Variants in DENND1A observed in about 807,000 individuals in gnomAD.
DENND1A encodes DENN domain containing 1A.
DENND1A carries 51 observed loss-of-function variants against 113.7 expected under a neutral mutation model. That is an observed-to-expected ratio of 0.45 (90% CI 0.36 to 0.57). The LOEUF is 0.57. Ranked by LOEUF, DENND1A falls within the 20% of genes least tolerant of loss-of-function variation. The probability of loss-of-function intolerance (pLI) is 0.00; values close to 1 mark genes in which losing one functional copy is unlikely to be tolerated. For missense variants in DENND1A, 1,258 were observed against 1,395.9 expected (o/e 0.90, Z 1.57); for synonymous variants, 565 against 570.8 (o/e 0.99, Z 0.14).
At chr9:123,640,682 A>G (rs1181054545) in intron 9 of DENND1A, among the ~76,000 whole-genome samples, 1 of 152,264 alleles carries the variant, frequency 6.6e-6, no homozygotes, top group Non-Finnish European at 1.5e-5. Flanking sequence ...CAGAGTGAAT[A>G]GTGCGCCCAG....
rs34466730 is a variant in DENND1A at position 123,718,971 on chromosome 9, G to A, written c.302+38732C>T. On this transcript the variant is annotated intron_variant, in intron 5 of 23. Transcript: ENST00000394215. ...GGGCAGTTTCCCCCATACTGTTCTC[G>A]TGGTAGTGAATAAGTCTCACGAGAT... Among the ~76,000 whole-genome samples the A allele has an allele frequency of 6.8e-3, 1,029 of 152,176 alleles. 3 individuals carry two copies. The highest frequency in any genetic ancestry group is 0.011 in the Non-Finnish European group (721 of 67,998).
At chr9:123,724,243 G>A (rs541409352) in intron 5 of DENND1A, among the ~76,000 whole-genome samples, 10 of 152,304 alleles carry the variant, frequency 6.6e-5, no homozygotes, top group South Asian at 2.1e-4. Flanking sequence ...AGCACAACTC[G>A]TTGAGGGAGG....
At position 123,567,199 on chromosome 9, in the gene DENND1A, A is replaced by G. The variant is rs564596834; in HGVS notation, c.868-9504T>C. Among the ~76,000 whole-genome samples, 5 of 152,344 alleles carry G rather than the reference A, an allele frequency of 3.3e-5. No homozygotes were observed. The South Asian group carries it at 1.0e-3, about 32-fold the overall frequency. On this transcript the variant is annotated intron_variant, in intron 12 of 23. Coordinates refer to ENST00000394215, the MANE Select transcript of DENND1A (RefSeq NM_001352964.2). ...TAAAGGTCAGATTTAAACTATCACC[A>G]TGTTTCACAATGCAATCTGTGCAGT...
intron 5 of DENND1A, among the ~76,000 whole-genome samples, chr9:123,724,026 T>C (rs559779245): frequency 2.0e-5 from 3 of 152,358 alleles, no homozygotes; most frequent in Non-Finnish European, 4.4e-5. Flanking sequence ...GTGTGATCTT[T>C]ATTTGCTGCT....
At chr9:123,607,520 C>CACACAG (rs1258725435) in intron 11 of DENND1A, among the ~76,000 whole-genome samples, 5 of 73,880 alleles carry the variant, frequency 6.8e-5, no homozygotes, top group Admixed American at 1.2e-4. Flanking sequence ...CACACACACA[C>CACACAG]AGAGAGAGAG....
intron 13 of DENND1A, among the ~76,000 whole-genome samples, chr9:123,499,222 G>C (rs187919928): frequency 7.3e-5 from 11 of 150,028 alleles, no homozygotes; most frequent in Admixed American, 4.6e-4. Flanking sequence ...TTAGTAGAGA[G>C]GGGGTTTCAC....
At chr9:123,769,603 A>G in intron 3 of DENND1A, 40 bp from the exon 4 acceptor site, 1 of 1,556,582 alleles carries the variant, frequency 6.4e-7, no homozygotes, top group African/African-American at 1.4e-5. Flanking sequence ...ATCTAATGGG[A>G]CCAGTAAATC....
chr9:123,745,357 G>A (rs1051760328), intron 5 of DENND1A, among the ~76,000 whole-genome samples: 1 of 152,122 alleles, frequency 6.6e-6, no homozygotes, highest in African/African-American at 2.4e-5. Flanking sequence ...AGTAAATAAG[G>A]GCAATAATAC....
At chr9:123,672,337 G>GGT (rs772262806) in intron 6 of DENND1A, among the ~76,000 whole-genome samples, 7 of 152,086 alleles carry the variant, frequency 4.6e-5, no homozygotes, top group Non-Finnish European at 8.8e-5. Context: ...TGAACTTGTG[G>GGT]GTGTGTGTGC....
intron 11 of DENND1A, among the ~76,000 whole-genome samples, chr9:123,591,615 T>C (rs944907133): frequency 6.6e-6 from 1 of 152,162 alleles, no homozygotes; most frequent in South Asian, 2.1e-4. Context: ...ACCAGGACCA[T>C]CTCCAGGGCA....
intron 1 of DENND1A, among the ~76,000 whole-genome samples, chr9:123,926,884 C>T (rs1022019731): frequency 2.0e-5 from 3 of 149,536 alleles, no homozygotes; most frequent in Admixed American, 6.7e-5. Flanking sequence ...AGACAAGAAA[C>T]GAGATTCAGT....
At chr9:123,452,743 G>A (rs916738695) in intron 16 of DENND1A, among the ~76,000 whole-genome samples, 6 of 152,126 alleles carry the variant, frequency 3.9e-5, no homozygotes, top group Non-Finnish European at 5.9e-5. Context: ...TTTAATAACC[G>A]TGGACTCCAT....
At chr9:123,758,701 A>G (rs918776852) in intron 4 of DENND1A, among the ~76,000 whole-genome samples, 2 of 152,256 alleles carry the variant, frequency 1.3e-5, no homozygotes, top group Admixed American at 6.5e-5. Flanking sequence ...AGCTAAAAAT[A>G]TATCAATACA....
At chr9:123,740,484 T>C (rs865868024) in intron 5 of DENND1A, among the ~76,000 whole-genome samples, 9 of 152,174 alleles carry the variant, frequency 5.9e-5, no homozygotes, top group Admixed American at 2.6e-4. Context: ...TTTCCCTGAA[T>C]GAGCAAGGAG....
chr9:123,742,289 A>G (rs1169797477), intron 5 of DENND1A, among the ~76,000 whole-genome samples: 1 of 152,008 alleles, frequency 6.6e-6, no homozygotes, highest in Non-Finnish European at 1.5e-5. Context: ...TTCACTGACT[A>G]GAGTTTTCAA....
intron 1 of DENND1A, among the ~76,000 whole-genome samples, chr9:123,885,169 C>A (rs1248086284): frequency 6.6e-6 from 1 of 152,172 alleles, no homozygotes; most frequent in African/African-American, 2.4e-5. Flanking sequence ...GGTACAATTA[C>A]AATTACCTGG....
At chr9:123,649,900 C>T (rs1185232026) in intron 9 of DENND1A, among the ~76,000 whole-genome samples, 1 of 152,168 alleles carries the variant, frequency 6.6e-6, no homozygotes, top group South Asian at 2.1e-4. Context: ...GAAGTAATTA[C>T]AGAACCCACT....
chr9:123,462,996 C>G (rs1588654189), intron 13 of DENND1A, among the ~76,000 whole-genome samples: 1 of 152,134 alleles, frequency 6.6e-6, no homozygotes, highest in Non-Finnish European at 1.5e-5. Context: ...AAAATGGCGG[C>G]CCCCACTCCA....
chr9:123,565,808 A>C (rs955002211), intron 12 of DENND1A, among the ~76,000 whole-genome samples: 4 of 152,196 alleles, frequency 2.6e-5, no homozygotes, highest in African/African-American at 9.7e-5. Context: ...TCTTGCCTCA[A>C]ATTCAAAACA....
Sources: gnomAD v4.1 joint callset for allele counts (sites outside exome capture counted in the v4.1 genomes callset) on GRCh38, gnomAD v4.1.1 for gene constraint, MANE v1.5 for transcripts, NCBI Gene and HGNC (gene_info 2026-07-23, HGNC 2026-07-21) for gene names.